STK31: variants seen among roughly 807,000 people sequenced by gnomAD.
STK31 encodes serine/threonine kinase 31.
Under a neutral mutation model 129.7 loss-of-function variants are expected in STK31, and 89 were observed. That is an observed-to-expected ratio of 0.69 (90% CI 0.58 to 0.82). STK31 has a LOEUF of 0.82. STK31 is among the 40% of genes least tolerant of loss of function. The pLI is 0.00. For synonymous variants in STK31, 448 were observed against 395.3 expected (o/e 1.13, Z -1.58); for missense variants, 1,187 against 1,176.4 (o/e 1.01, Z -0.13).
chr7:23,821,896 T>C (rs1379470424), intron 23 of STK31, among the ~76,000 whole-genome samples: 1 of 152,186 alleles, frequency 6.6e-6, no homozygotes. Context: ...CCAGCACCAT[T>C]TATTGAAGTG....
At chr7:23,763,771 T>TGA (rs1789628631) in intron 11 of STK31, among the ~76,000 whole-genome samples, 2 of 111,748 alleles carry the variant, frequency 1.8e-5, no homozygotes, top group African/African-American at 6.7e-5. Context: ...TTTCATTTTC[T>TGA]AATGTTTTCA....
intron 15 of STK31, among the ~76,000 whole-genome samples, chr7:23,773,198 C>G (rs1007693949): frequency 6.6e-6 from 1 of 152,022 alleles, no homozygotes; most frequent in African/African-American, 2.4e-5. Flanking sequence ...TCCCCTAGAC[C>G]CCCACCCCCT....
At chr7:23,725,392 A>AG (rs1274708012) in intron 4 of STK31, among the ~76,000 whole-genome samples, 133 of 150,992 alleles carry the variant, frequency 8.8e-4, no homozygotes, top group Non-Finnish European at 1.6e-3. Context: ...AAAAAAAAAA[A>AG]AAAAAGCTAG....
chr7:23,816,553 C>T (rs1318033020), intron 23 of STK31, among the ~76,000 whole-genome samples: 1 of 152,186 alleles, frequency 6.6e-6, no homozygotes, highest in Non-Finnish European at 1.5e-5. Flanking sequence ...TGCCTCTAAC[C>T]TCACATGTTT....
intron 22 of STK31, chr7:23,791,343 A>G (rs1791602515): frequency 2.0e-6 from 2 of 982,228 alleles, no homozygotes; most frequent in Non-Finnish European, 2.4e-6. Flanking sequence ...GGAGCTGGAG[A>G]CCATTATCCT....
chr7:23,786,899 A>G lies in STK31; in HGVS notation c.2462A>G (p.Gln821Arg). Residue 821 changes from glutamine (Q) to arginine (R), a missense_variant, in exon 20 of 24, where the codon CAA becomes CGA. Around this residue, in one of 5 missense-constraint regions of STK31, gnomAD observed 975 missense variants for 934.9 expected, o/e 1.04. Coordinates refer to ENST00000355870, the MANE Select transcript of STK31 (RefSeq NM_031414.5). ...YYPRANLNAV[Q>R]ANMPLNSEET... ...CCTAGGGCAAACCTGAATGCTGTTC[A>G]AGCCAACATGCCTTTAAATTCAGAA... 2 of 1,613,950 alleles carry G rather than the reference A, an allele frequency of 1.2e-6. No individual in the cohort carries two copies. The highest frequency in any genetic ancestry group is 1.1e-5 in the South Asian group (1 of 91,064).
chr7:23,769,874 A>T (rs1028941190), intron 13 of STK31, 118 bp downstream of exon 13: 33 of 566,948 alleles, frequency 5.8e-5, no homozygotes, highest in Admixed American at 8.6e-5. Flanking sequence ...ATTAAGACTG[A>T]TCTTAGCTTT....
Position 23,783,589 on chromosome 7 carries a change from C to T in STK31, c.2074C>T (p.Leu692=), listed in dbSNP as rs370118537. Residue 692 remains leucine, a synonymous_variant, in exon 17 of 24, where the codon CTA becomes TTA. Transcript: ENST00000355870. ...TTTTTTTTTTTAACTTTAGGAGATG[C>T]TAACTAGTTTGGCACAGAAATGGTT... ...IYHEREEYEM[L]TSLAQKWFPE... 2.7e-5 allele frequency: 43 copies of T among 1,607,082 alleles called. No individual in the cohort carries two copies. The African/African-American group carries it at 4.7e-4, about 18-fold the overall frequency.
chr7:23,831,516 C>T (rs909824738), intron 23 of STK31, among the ~76,000 whole-genome samples: 7 of 152,150 alleles, frequency 4.6e-5, no homozygotes, highest in African/African-American at 1.4e-4. Flanking sequence ...AAGAAAAACT[C>T]CTTTCAACCA....
chr7:23,727,261 T>C lies in STK31; in HGVS notation c.270T>C (p.Ser90=). ...TGTAGATTTATGGTGGATTATTTTC[T>C]GAAGATCAGTGTTGGTACAGATGCA... ...DPNKIYGGLF[S]EDQCWYRCKV... The change falls in exon 5 of 24, where the codon TCT becomes TCC. Residue 90 remains serine, a synonymous_variant. Transcript: ENST00000355870. 2 of 1,613,698 alleles carry C rather than the reference T, an allele frequency of 1.2e-6. No homozygotes were observed. Among genetic ancestry groups the C allele is most frequent in the South Asian group, 1.1e-5 (1 of 91,064 alleles).
At chr7:23,789,506 G>A (rs1288884999) in intron 21 of STK31, among the ~76,000 whole-genome samples, 1 of 152,068 alleles carries the variant, frequency 6.6e-6, no homozygotes, top group Non-Finnish European at 1.5e-5. Context: ...TCATCTGCAA[G>A]TCATAGTGTA....
At chr7:23,754,656 C>T (rs988153024) in intron 10 of STK31, among the ~76,000 whole-genome samples, 182 bp downstream of exon 10, 2 of 152,182 alleles carry the variant, frequency 1.3e-5, no homozygotes, top group African/African-American at 2.4e-5. Context: ...CTCACCCCCC[C>T]ATTTCCTAAC....
At chr7:23,754,780 G>A (rs1020956699) in intron 10 of STK31, among the ~76,000 whole-genome samples, 6 of 152,166 alleles carry the variant, frequency 3.9e-5, no homozygotes, top group African/African-American at 1.2e-4. Flanking sequence ...TTAGTTTGCC[G>A]AAGATGATGG....
intron 22 of STK31, among the ~76,000 whole-genome samples, chr7:23,806,639 G>A (rs573902397): frequency 2.2e-4 from 34 of 152,256 alleles, no homozygotes; most frequent in Non-Finnish European, 4.6e-4. Flanking sequence ...GGTGGCTCAC[G>A]CCAGTAATCC....
At chr7:23,771,988 AT>A (rs1413228876) in intron 14 of STK31, 158 bp from the exon 15 acceptor site, 4 of 464,788 alleles carry the variant, frequency 8.6e-6, no homozygotes, top group Non-Finnish European at 1.5e-5. Flanking sequence ...TAAAAAGGAA[AT>A]CTATTGAATT....
In STK31 at chr7:23,767,523, A is replaced by G. The variant is rs146175176; in HGVS notation, c.1417-1472A>G. 2.0e-3 allele frequency among the ~76,000 whole-genome samples: 307 copies of G among 152,190 alleles called. 1 individual carries two copies. Among genetic ancestry groups the G allele is most frequent in the African/African-American group, 7.1e-3 (294 of 41,514 alleles). On this transcript the variant is annotated intron_variant, in intron 11 of 23. Coordinates refer to ENST00000355870, the MANE Select transcript of STK31 (RefSeq NM_031414.5). The stretch of plus-strand genomic sequence containing the variant: ...CTGTCCTACTCTTCAGCAAACCTCT[A>G]TTCCCTCTGCCTCAGCTACTGCTCC...
chr7:23,712,137 A>G lies in STK31; in HGVS notation c.89A>G (p.Tyr30Cys). The G allele has an allele frequency of 6.2e-7, 1 of 1,612,758 alleles. No individual in the cohort carries two copies. Among genetic ancestry groups the G allele is most frequent in the Non-Finnish European group, 8.5e-7 (1 of 1,178,804 alleles). Reference protein sequence around the residue: ...GIVQMDEDTHYDKVEDVVGSH... With the variant: ...GIVQMDEDTHCDKVEDVVGSH... ...GTTCAAATGGATGAAGATACACATT[A>G]CGATAAAGGTACTGACACTAAAAAT... The change falls in exon 2 of 24, where the codon TAC (tyrosine) becomes TGC (cysteine). Residue 30 changes from tyrosine (Y) to cysteine (C), a missense_variant. By Grantham distance (194) the Tyr-to-Cys change is radical. Coordinates refer to ENST00000355870, the MANE Select transcript of STK31 (RefSeq NM_031414.5).
In STK31 at chr7:23,832,282, T is replaced by C; in HGVS notation, c.2976T>C (p.Tyr992=). The C allele has an allele frequency of 6.2e-7, 1 of 1,613,902 alleles. No homozygotes were observed. Among genetic ancestry groups the C allele is most frequent in the Non-Finnish European group, 8.5e-7 (1 of 1,179,906 alleles). ...AAAAAGATACTGAATACACCCTATA[T>C]AAAAAGGAAGAAGAAATAAAGACGG... ...NPEKDTEYTL[Y]KKEEEIKTEN... The change falls in exon 24 of 24, where the codon TAT becomes TAC. Residue 992 remains tyrosine, a synonymous_variant. Coordinates refer to ENST00000355870, the MANE Select transcript of STK31 (RefSeq NM_031414.5).
chr7:23,800,680 T>C (rs967584116), intron 22 of STK31, among the ~76,000 whole-genome samples: 1 of 152,062 alleles, frequency 6.6e-6, no homozygotes, highest in African/African-American at 2.4e-5. Context: ...CAAACCACCA[T>C]GGCACATGTA....
Sources: allele counts gnomAD v4.1 joint callset (sites outside exome capture counted in the v4.1 genomes callset), GRCh38; gene constraint gnomAD v4.1.1; regional missense constraint gnomAD v4.1.1; transcripts MANE v1.5; gene names NCBI Gene and HGNC (gene_info 2026-07-23, HGNC 2026-07-21).